The following SH3PXD2B variants were observed in gnomAD, a reference collection of about 807,000 sequenced individuals.
SH3PXD2B encodes the protein SH3 and PX domains 2B, also known as SH3 and PX domain-containing protein 2B.
SH3PXD2B carries 37 observed loss-of-function variants against 73.1 expected under a neutral mutation model. That is an observed-to-expected ratio of 0.51 (90% CI 0.39 to 0.67). SH3PXD2B has a LOEUF of 0.67. Among genes scored for constraint, SH3PXD2B ranks in the 30% least tolerant of loss-of-function variants. The pLI is 0.00. For missense variants in SH3PXD2B, 1,053 were observed against 1,197.8 expected (o/e 0.88, Z 1.78); for synonymous variants, 457 against 480.5 (o/e 0.95, Z 0.64).
At chr5:172,369,367 C>G (rs1056969095) in intron 6 of SH3PXD2B, among the ~76,000 whole-genome samples, 1 of 152,066 alleles carries the variant, frequency 6.6e-6, no homozygotes, top group Non-Finnish European at 1.5e-5. Flanking sequence ...TAAAGGCTAA[C>G]ATATTCACTG....
Position 172,333,754 on chromosome 5 carries a change from G to T in SH3PXD2B, c.*4615C>A. On this transcript the variant is annotated 3_prime_UTR_variant, in exon 13 of 13. Transcript: ENST00000311601. The stretch of plus-strand genomic sequence containing the variant: ...CCTATGAGCAGACACGAGGTGGTGG[G>T]CAGTGCCCACTGTTCCTGGAGGGAG... The T allele has an allele frequency of 7.8e-7, 1 of 1,289,386 alleles. No homozygotes were observed. The allele number at this position is 1,289,386 out of a possible 1,614,324, so 79.9% of individuals were successfully genotyped here.
chr5:172,347,291 T>C lies in SH3PXD2B; in HGVS notation c.1054A>G (p.Met352Val), dbSNP rs777326604. 1.9e-6 allele frequency: 3 copies of C among 1,614,156 alleles called. No individual in the cohort carries two copies. The highest frequency in any genetic ancestry group is 2.5e-6 in the Non-Finnish European group (3 of 1,180,008). Residue 352 changes from methionine to valine, a missense_variant, in exon 11 of 13, where the codon ATG becomes GTG. Around this residue, in one of 2 missense-constraint regions of SH3PXD2B, gnomAD observed 466 missense variants for 607.1 expected, o/e 0.77. Coordinates refer to ENST00000311601, the MANE Select transcript of SH3PXD2B (RefSeq NM_001017995.3). ...MRQRPPPRRD[M>V]TIPRGLNLPK... is the part of the protein sequence containing the mutation. Reference sequence around the variant, plus strand: ...AGCGAGGATCCACTTACAATGGTCATGTCCCGGCGAGGAGGGGGTCTCTGC... The same window carrying C: ...AGCGAGGATCCACTTACAATGGTCACGTCCCGGCGAGGAGGGGGTCTCTGC...
chr5:172,368,484 A>AAATATATATATATTATATATATATATAAT lies in SH3PXD2B; in HGVS notation c.427+5305_427+5306insATTATATATATATATAATATATATATATT, dbSNP rs1561907906. Among the ~76,000 whole-genome samples, 2 of 19,708 alleles carry AAATATATATATATTATATATATATATAAT rather than the reference A, an allele frequency of 1.0e-4. 1 individual carries two copies. The highest frequency in any genetic ancestry group is 7.4e-3 in the East Asian group (2 of 270). 12.9% of individuals were successfully genotyped at this position (19,708 alleles called of 152,430 possible). A position where few individuals can be genotyped will look rare whatever the true frequency, so the allele number is the denominator to read the frequency against. ...ATATATATATTATATATATATATAA[A>AAATATATATATATTATATATATATATAAT]ATATATATATATTATATATATATAT... is the stretch of plus-strand genomic sequence containing the variant. On this transcript the variant is annotated intron_variant, in intron 6 of 12. Coordinates refer to ENST00000311601, the MANE Select transcript of SH3PXD2B (RefSeq NM_001017995.3).
chr5:172,329,083 A>ATTTTTTTTTT (rs1164155218), downstream of SH3PXD2B, among the ~76,000 whole-genome samples: 31 of 61,798 alleles, frequency 5.0e-4, no homozygotes, highest in African/African-American at 1.6e-3. Flanking sequence ...ATATATATAT[A>ATTTTTTTTTT]TTTTTTTTTT....
rs576323353 is a variant in SH3PXD2B at position 172,343,097 on chromosome 5, C to T, written c.1188+3039G>A. 1.5e-3 allele frequency among the ~76,000 whole-genome samples: 236 copies of T among 152,268 alleles called. 4 individuals are homozygous for T. The highest frequency in any genetic ancestry group is 1.7e-3 in the Non-Finnish European group (117 of 68,034). On this transcript the variant is annotated intron_variant, in intron 12 of 12. Coordinates refer to ENST00000311601, the MANE Select transcript of SH3PXD2B (RefSeq NM_001017995.3). ...CAGCACTTGGTAAATAATGCTGCTG[C>T]GATTAAATTAGAGTGGAGGTCACTG...
chr5:172,452,950 C>T (rs1293363845), intron 1 of SH3PXD2B, among the ~76,000 whole-genome samples: 1 of 152,166 alleles, frequency 6.6e-6, no homozygotes, highest in African/African-American at 2.4e-5. Flanking sequence ...AATAGCTTCC[C>T]ACCGCCTGGC....
Position 172,422,418 on chromosome 5 carries a change from G to A in SH3PXD2B, c.154C>T (p.Gln52Ter). ...CACCAGAGACCTCAAATCCTTACCT[G>A]GAGGTCAAAAAACTTGCTGTAGCGC... is the stretch of plus-strand genomic sequence containing the variant. ...YRRYSKFFDL[Q>*]MQMLDKFPME... The change falls in exon 2 of 13, where the codon CAG becomes TAG. Residue 52 changes from glutamine (Q) to a stop codon, truncating the protein, a stop_gained and splice_region_variant. Coordinates refer to ENST00000311601, the MANE Select transcript of SH3PXD2B (RefSeq NM_001017995.3). LOFTEE classifies it high-confidence loss of function. 1 of 1,608,338 alleles carries A rather than the reference G, an allele frequency of 6.2e-7. No homozygotes were observed. Among genetic ancestry groups the A allele is most frequent in the Non-Finnish European group, 8.5e-7 (1 of 1,177,838 alleles).
chr5:172,414,429 A>G (rs1276267426), intron 2 of SH3PXD2B, among the ~76,000 whole-genome samples: 1 of 142,484 alleles, frequency 7.0e-6, no homozygotes, highest in African/African-American at 2.6e-5. Flanking sequence ...AGATCGCGCC[A>G]CTGCACTCCA....
chr5:172,438,163 T>C (rs941546996), intron 1 of SH3PXD2B, among the ~76,000 whole-genome samples: 2 of 152,082 alleles, frequency 1.3e-5, no homozygotes, highest in African/African-American at 2.4e-5. Context: ...GGCGGGAACA[T>C]TTCCTCTCCC....
At chr5:172,361,957 C>T (rs1187963643) in intron 7 of SH3PXD2B, among the ~76,000 whole-genome samples, 1 of 152,182 alleles carries the variant, frequency 6.6e-6, no homozygotes, top group Non-Finnish European at 1.5e-5. Context: ...CACAACAAAC[C>T]CAGTCGTTTC....
At chr5:172,346,809 C>T (rs1388855022) in intron 11 of SH3PXD2B, among the ~76,000 whole-genome samples, 4 of 152,150 alleles carry the variant, frequency 2.6e-5, no homozygotes, top group Middle Eastern at 3.4e-3. Context: ...AGCAAGACCC[C>T]GTCTCAAAAA....
intron 2 of SH3PXD2B, among the ~76,000 whole-genome samples, chr5:172,407,144 T>C (rs1218360944): frequency 6.6e-6 from 1 of 152,182 alleles, no homozygotes; most frequent in East Asian, 1.9e-4. Flanking sequence ...AAGTCTGCCA[T>C]AAGGACACTG....
chr5:172,410,566 C>T (rs570659606), intron 2 of SH3PXD2B, among the ~76,000 whole-genome samples: 3 of 152,182 alleles, frequency 2.0e-5, no homozygotes, highest in Admixed American at 2.0e-4. Flanking sequence ...TCTGTACTTT[C>T]CAGTCAATTT....
At chr5:172,432,892 C>T (rs918234107) in intron 1 of SH3PXD2B, among the ~76,000 whole-genome samples, 3 of 112,998 alleles carry the variant, frequency 2.7e-5, no homozygotes, top group East Asian at 2.7e-4. Context: ...GCCTGGTCAA[C>T]AAGAGTGAAA....
At chr5:172,397,387 C>A (rs966555156) in intron 3 of SH3PXD2B, among the ~76,000 whole-genome samples, 30 of 152,178 alleles carry the variant, frequency 2.0e-4, no homozygotes, top group Non-Finnish European at 4.1e-4. Context: ...TCTTGCCCTG[C>A]CTCCATTTGC....
In SH3PXD2B at chr5:172,386,563, C is replaced by CTGT. The variant is rs769180556; in HGVS notation, c.310-4439_310-4437dup. On this transcript the variant is annotated intron_variant, in intron 4 of 12. Transcript: ENST00000311601. ...AGTTAGCCAGATTTAAAAACGTTTTCTGTTGTTGTTGTTGTTTTATTGTTT... is the reference window on the plus strand; with the variant it reads ...AGTTAGCCAGATTTAAAAACGTTTTCTGTTGTTGTTGTTGTTGTTTTATTGTTT... Among the ~76,000 whole-genome samples the CTGT allele has an allele frequency of 2.7e-5, 4 of 145,952 alleles. No homozygotes were observed. In the Admixed American group the frequency reaches 2.8e-4, roughly 10 times the overall value.
In SH3PXD2B at chr5:172,353,837, C is replaced by G. The variant is rs200315333; in HGVS notation, c.785+51G>C. ...AGAGTCCCTGTGACCCCAAACCCAC[C>G]CAGCGTGACCCCAAACCCACCCAGC... On this transcript the variant is annotated intron_variant, in intron 9 of 12. Coordinates refer to ENST00000311601, the MANE Select transcript of SH3PXD2B (RefSeq NM_001017995.3). The surrounding 1 kb of genome is among the most constrained non-coding windows in gnomAD (Gnocchi z 4.3). 891 of 1,481,594 alleles carry G rather than the reference C, an allele frequency of 6.0e-4. 3 individuals carry two copies. The highest frequency in any genetic ancestry group is 4.5e-3 in the Middle Eastern group (20 of 4,454). The allele number at this position is 1,481,594 out of a possible 1,614,324, so 91.8% of individuals were successfully genotyped here.
Position 172,336,299 on chromosome 5 carries a change from G to A in SH3PXD2B, c.*2070C>T, listed in dbSNP as rs1423362928. The A allele has an allele frequency of 1.0e-6, 1 of 985,428 alleles. No homozygotes were observed. Among genetic ancestry groups the A allele is most frequent in the Non-Finnish European group, 1.2e-6 (1 of 829,970 alleles). 61.0% of individuals were successfully genotyped at this position (985,428 alleles called of 1,614,324 possible). ...ATCAAGAACTCAGGAAAACTGCCATGGGGCCTCCTCTCAAGGGAGGGGACC... is the reference window on the plus strand; with the variant it reads ...ATCAAGAACTCAGGAAAACTGCCATAGGGCCTCCTCTCAAGGGAGGGGACC... On this transcript the variant is annotated 3_prime_UTR_variant, in exon 13 of 13. Transcript: ENST00000311601.
intron 2 of SH3PXD2B, among the ~76,000 whole-genome samples, chr5:172,415,978 A>G (rs1455390654): frequency 2.0e-5 from 3 of 152,212 alleles, no homozygotes; most frequent in Non-Finnish European, 4.4e-5. Flanking sequence ...CATCACTATC[A>G]GGCCCTTCTA....
Sources: gnomAD v4.1 joint callset for allele counts (sites outside exome capture counted in the v4.1 genomes callset) on GRCh38, gnomAD v4.1.1 for gene constraint, gnomAD v4.1.1 regional missense constraint, Gnocchi (gnomAD v3.1) non-coding constraint, MANE v1.5 for transcripts, NCBI Gene and HGNC (gene_info 2026-07-23, HGNC 2026-07-21) for gene names.